DPP7: variants seen among roughly 807,000 people sequenced by gnomAD.
DPP7 encodes dipeptidyl peptidase 2.
In DPP7, 74 loss-of-function variants were observed where a neutral mutation model predicts 58.8. That is an observed-to-expected ratio of 1.26 (90% confidence interval 1.04 to 1.53). The LOEUF is 1.53. DPP7 is among the 40% of genes most tolerant of loss of function. The pLI, the probability that DPP7 is intolerant of heterozygous loss-of-function variation, is 0.00. For synonymous variants in DPP7, 350 were observed against 303.6 expected, an observed-to-expected ratio of 1.15 and a Z score of -1.59; for missense variants, 807 against 692.3, an observed-to-expected ratio of 1.17 and a Z score of -1.86.
At chr9:137,112,272 C>G in intron 8 of DPP7, 42 bp from the exon 9 acceptor site, 3 of 1,525,414 alleles carry the variant, frequency 2.0e-6, no homozygotes, top group Non-Finnish European at 2.7e-6. Context: ...CACACACAGA[C>G]ACACCGCGGG....
chr9:137,117,110 C>A (rs985893953), upstream of DPP7, among the ~76,000 whole-genome samples: 3 of 152,202 alleles, frequency 2.0e-5, no homozygotes, highest in Non-Finnish European at 4.4e-5. Flanking sequence ...ATACTGAGCG[C>A]CGTCTCCTGG....
In DPP7 at chr9:137,110,920, C is replaced by A; in HGVS notation, c.1303G>T (p.Ala435Ser). The A allele has an allele frequency of 6.2e-6, 10 of 1,613,056 alleles. No individual in the cohort carries two copies. Among genetic ancestry groups the A allele is most frequent in the Non-Finnish European group, 8.5e-6 (10 of 1,179,924 alleles). The change falls in exon 12 of 13, where the codon GCC (alanine) becomes TCC (serine). Residue 435 changes from alanine (A) to serine (S), a missense_variant. By Grantham distance (99) the Ala-to-Ser change is moderately conservative (BLOSUM62 1). This residue lies in a region of DPP7 where 624 missense variants were observed against 531.2 expected (regional missense o/e 1.17). Coordinates refer to ENST00000371579, the MANE Select transcript of DPP7 (RefSeq NM_013379.3). ...IRRNLSASVIAVTIQGGAHHL... is the reference protein window; with the variant it reads ...IRRNLSASVISVTIQGGAHHL... ...TGCGCTCCCCCCTGGATGGTGACGG[C>A]GATGACTGAGGCACTCAGGTTCCTC...
upstream of DPP7, among the ~76,000 whole-genome samples, chr9:137,118,027 G>T (rs1245299067): frequency 2.0e-5 from 3 of 151,060 alleles, no homozygotes; most frequent in Non-Finnish European, 4.4e-5. Flanking sequence ...TCACTCTGTT[G>T]TCCAGGCTGG....
chr9:137,112,732 G>A lies in DPP7; in HGVS notation c.931+13C>T, dbSNP rs777198687. ...TCTCCACACTTGCCCATCTGGGGCC[G>A]GGGGAAGGGCACCTGCCAGTGCTCG... On this transcript the variant is annotated intron_variant, in intron 8 of 12. Transcript: ENST00000371579. 11 of 1,594,656 alleles carry A rather than the reference G, an allele frequency of 6.9e-6. No individual in the cohort carries two copies. The highest frequency in any genetic ancestry group is 2.3e-5 in the South Asian group (2 of 88,592).
chr9:137,115,691 C>T (rs545085186), upstream of DPP7, among the ~76,000 whole-genome samples: 1 of 152,240 alleles, frequency 6.6e-6, no homozygotes. Context: ...CCTCCCGTGC[C>T]TCACACAGAG....
chr9:137,114,528 C>G lies in DPP7; in HGVS notation c.116G>C (p.Arg39Pro), dbSNP rs1262111811. 1.9e-6 allele frequency: 3 copies of G among 1,580,038 alleles called. No homozygotes were observed. Among genetic ancestry groups the G allele is most frequent in the Admixed American group, 1.8e-5 (1 of 56,848 alleles). The stretch of plus-strand genomic sequence containing the variant: ...GCGCTCGAAGTTGAAGTGGTCCAGA[C>G]GCTGCTGGAAGAAGCGCTCCTGGAA... ...PGFQERFFQQ[R>P]LDHFNFERFG... The change falls in exon 2 of 13, where the codon CGT (arginine) becomes CCT (proline). Residue 39 changes from arginine (R) to proline (P), a missense_variant. Transcript: ENST00000371579.
chr9:137,113,595 C>CT, intron 4 of DPP7, 99 bp from the exon 5 acceptor site: 1 of 1,455,306 alleles, frequency 6.9e-7, no homozygotes, highest in Non-Finnish European at 9.0e-7. Flanking sequence ...GACGACACTT[C>CT]TGAGACCCAC....
At chr9:137,113,153 C>A (rs748989427) in intron 6 of DPP7, 34 bp from the exon 7 acceptor site, 7 of 1,613,618 alleles carry the variant, frequency 4.3e-6, no homozygotes, top group East Asian at 2.2e-5. Context: ...GAAGTTTGGG[C>A]ATAGCTGGCG....
rs747216596 is a variant in DPP7, at chr9:137,113,419, G to T, written c.563C>A (p.Pro188His). Residue 188 changes from proline (P) to histidine (H), a missense_variant, in exon 5 of 13, where the codon CCC becomes CAC. Physicochemically the swap from Pro to His is moderately conservative, Grantham distance 77. Transcript: ENST00000371579. Reference sequence around the variant, plus strand: ...GCCGAGGCCTGCCACAGCTAGAACGGGCGCGCTGGCCGCCAGCGCCCCCGC... The same window carrying T: ...GCCGAGGCCTGCCACAGCTAGAACGTGCGCGCTGGCCGCCAGCGCCCCCGC... Reference protein sequence around the residue: ...LVAGALAASAPVLAVAGLGDS... With the variant: ...LVAGALAASAHVLAVAGLGDS... 1.9e-6 allele frequency: 3 copies of T among 1,607,122 alleles called. No homozygotes were observed. The highest frequency in any genetic ancestry group is 2.6e-6 in the Non-Finnish European group (3 of 1,175,838).
At chr9:137,115,835 C>T (rs898722818), upstream of DPP7, among the ~76,000 whole-genome samples, 1 of 152,146 alleles carries the variant, frequency 6.6e-6, no homozygotes, top group Non-Finnish European at 1.5e-5. Context: ...GGGCCCTGTC[C>T]CATCCCTACG....
chr9:137,115,325 C>T (rs1375508086), upstream of DPP7: 1 of 152,380 alleles, frequency 6.6e-6, no homozygotes, highest in Non-Finnish European at 1.5e-5. Context: ...CCAGTGTGCC[C>T]ACACAGCCCT....
At position 137,110,803 on chromosome 9, in the gene DPP7, G is replaced by A. The variant is rs1369098398; in HGVS notation, c.1344-20C>T. On this transcript the variant is annotated intron_variant, in intron 12 of 12. Coordinates refer to ENST00000371579, the MANE Select transcript of DPP7 (RefSeq NM_013379.3). ...GAGGCTCTGGGGAGCGGGCACAGAG[G>A]GGGCCCGTCAGCCCCAGCCCTCGGT... The A allele has an allele frequency of 1.9e-6, 3 of 1,602,394 alleles. No individual in the cohort carries two copies. The highest frequency in any genetic ancestry group is 4.5e-5 in the East Asian group (2 of 44,764).
rs779840075 is a variant in DPP7 at position 137,112,749 on chromosome 9, C to T, written c.927G>A (p.Leu309=). 3 of 1,604,682 alleles carry T rather than the reference C, an allele frequency of 1.9e-6. No homozygotes were observed. The highest frequency in any genetic ancestry group is 1.1e-5 in the South Asian group (1 of 89,874). The change falls in exon 8 of 13, where the codon CTG becomes CTA. Residue 309 remains leucine (L), a synonymous_variant. Transcript: ENST00000371579. ...CTGGGGCCGGGGGAAGGGCACCTGC[C>T]AGTGCTCGCAGCCCCGTGATCCTCT... The part of the protein sequence containing the change: ...EAQRITGLRA[L]AGLVYNASGS...
intron 12 of DPP7, 24 bp from the exon 13 acceptor site, chr9:137,110,807 C>T (rs764012888): frequency 1.2e-6 from 2 of 1,601,632 alleles, no homozygotes; most frequent in Admixed American, 1.7e-5. Flanking sequence ...ACAGAGGGGG[C>T]CCGTCAGCCC....
chr9:137,117,542 C>T (rs1831662020), upstream of DPP7, among the ~76,000 whole-genome samples: 1 of 152,180 alleles, frequency 6.6e-6, no homozygotes, highest in Non-Finnish European at 1.5e-5. Flanking sequence ...GTCCATCTGC[C>T]CTCTCCAGAC....
At position 137,114,183 on chromosome 9, in the gene DPP7, CGACCCCGCCCGG is replaced by C. The variant is rs1249476663; in HGVS notation, c.321+48_321+59del. The C allele has an allele frequency of 1.0e-5, 5 of 487,890 alleles. No individual in the cohort carries two copies. In the East Asian group the frequency reaches 2.4e-4, roughly 23 times the overall value. 30.2% of individuals were successfully genotyped at this position (487,890 alleles called of 1,614,324 possible). The stretch of plus-strand genomic sequence containing the variant: ...CCGCGTGCCCCGCGACCCCCGCCCG[CGACCCCGCCCGG>C]CACCCACGTGCCCCGCGACCCCGCC... On this transcript the variant is annotated intron_variant, in intron 3 of 12. Coordinates refer to ENST00000371579, the MANE Select transcript of DPP7 (RefSeq NM_013379.3).
chr9:137,117,032 GAT>G (rs1831655844), upstream of DPP7, among the ~76,000 whole-genome samples: 1 of 152,210 alleles, frequency 6.6e-6, no homozygotes, highest in Non-Finnish European at 1.5e-5. Context: ...CTCATGCAAA[GAT>G]AGTGAAAATG....
intron 1 of DPP7, 33 bp from the exon 2 acceptor site, chr9:137,114,609 CG>C (rs1249084957): frequency 2.8e-6 from 4 of 1,448,168 alleles, no homozygotes; most frequent in Middle Eastern, 2.5e-4. Context: ...GAGGCGGGGC[CG>C]GGACCGGGGA....
upstream of DPP7, chr9:137,115,007 TC>T (rs922776790): frequency 6.5e-5 from 18 of 276,252 alleles, no homozygotes; most frequent in African/African-American, 2.9e-4. Context: ...CTAGGGCGAG[TC>T]CCTGCTGCGC....
Sources: gnomAD v4.1 joint callset for allele counts (sites outside exome capture counted in the v4.1 genomes callset) on GRCh38, gnomAD v4.1.1 for gene constraint, gnomAD v4.1.1 regional missense constraint, MANE v1.5 for transcripts, NCBI Gene and HGNC (gene_info 2026-07-23, HGNC 2026-07-21) for gene names.